Variants in LY86 observed in about 807,000 individuals in gnomAD.
The protein encoded by LY86 is MD-1, RP105-associated.
A neutral mutation model predicts 17.3 loss-of-function variants in LY86; 20 were observed. The ratio of observed to expected loss-of-function variants is 1.15; its 90% CI spans 0.81 to 1.68. The LOEUF (loss-of-function observed/expected upper bound fraction) is 1.68, where lower values mean the gene tolerates loss of function less well. Among genes scored for constraint, LY86 ranks in the 40% most tolerant of loss-of-function variants. The pLI is 0.00. For synonymous variants in LY86, 74 were observed against 70.6 expected (o/e 1.05, Z -0.24); for missense variants, 200 against 191.9 (o/e 1.04, Z -0.25).
intron 4 of LY86, among the ~76,000 whole-genome samples, chr6:6,653,307 G>A (rs1762214635): frequency 6.6e-6 from 1 of 152,034 alleles, no homozygotes; most frequent in Admixed American, 6.5e-5. Flanking sequence ...CTTCCCTCTT[G>A]CTTTATACAG....
intron 1 of LY86, among the ~76,000 whole-genome samples, chr6:6,624,410 T>TGGGATGGGAGGGGA (rs1480930527): frequency 2.5e-5 from 1 of 40,208 alleles, no homozygotes; most frequent in Admixed American, 2.0e-4. Flanking sequence ...ATGGGATGGG[T>TGGGATGGGAGGGGA]TGGGATGGGA....
chr6:6,607,224 G>C (rs1761193673), intron 1 of LY86, among the ~76,000 whole-genome samples: 1 of 152,216 alleles, frequency 6.6e-6, no homozygotes, highest in Non-Finnish European at 1.5e-5. Flanking sequence ...AGACGAAAAA[G>C]TTCTAGAAAT....
chr6:6,607,913 T>A (rs946509175), intron 1 of LY86, among the ~76,000 whole-genome samples: 2 of 149,782 alleles, frequency 1.3e-5, no homozygotes, highest in Non-Finnish European at 2.9e-5. Flanking sequence ...AAAATAAAAA[T>A]AAAAAAATAA....
chr6:6,620,102 A>C (rs1761639956), intron 1 of LY86, among the ~76,000 whole-genome samples: 1 of 152,116 alleles, frequency 6.6e-6, no homozygotes, highest in Non-Finnish European at 1.5e-5. Context: ...TTTTAAACCC[A>C]AGCAATAGAA....
chr6:6,632,386 T>C (rs115498995), intron 3 of LY86, among the ~76,000 whole-genome samples: 2,530 of 152,302 alleles, frequency 0.017, 56 homozygotes, highest in African/African-American at 0.058. Context: ...TAATTCATTA[T>C]TGGGTAAGAG....
Position 6,600,501 on chromosome 6 carries a change from A to T in LY86, c.136+11631A>T, listed in dbSNP as rs1306619016. 2.0e-5 allele frequency among the ~76,000 whole-genome samples: 3 copies of T among 147,442 alleles called. No homozygotes were observed. In the East Asian group the frequency reaches 6.2e-4, roughly 31 times the overall value. ...AGCTACTCAGAGGCTGAGGCAGGGG[A>T]ATCGCTTGAACCCGGGAGGCAGAGG... is the stretch of plus-strand genomic sequence containing the variant. On this transcript the variant is annotated intron_variant, in intron 1 of 4. Transcript: ENST00000230568.
At chr6:6,601,834 G>A (rs2113091041) in intron 1 of LY86, among the ~76,000 whole-genome samples, 1 of 152,344 alleles carries the variant, frequency 6.6e-6, no homozygotes, top group East Asian at 1.9e-4. Flanking sequence ...ATGTGGGAAT[G>A]CAGTACCTGG....
At chr6:6,647,171 T>G (rs554290652) in intron 3 of LY86, among the ~76,000 whole-genome samples, 81 of 152,322 alleles carry the variant, frequency 5.3e-4, no homozygotes, top group African/African-American at 1.8e-3. Context: ...CTGTTTTCTC[T>G]CCTACAATTG....
rs114953191 is a variant in LY86, at chr6:6,611,678, G to A, written c.137-13248G>A. ...TTCTCTCACCGCACCTTGTGGCTAC[G>A]CTGCGCGCCGGTCGTGTTTGTCCCC... On this transcript the variant is annotated intron_variant, in intron 1 of 4. Coordinates refer to ENST00000230568, the MANE Select transcript of LY86 (RefSeq NM_004271.4). 5.2e-3 allele frequency among the ~76,000 whole-genome samples: 789 copies of A among 152,284 alleles called. 13 individuals are homozygous for A. Among genetic ancestry groups the A allele is most frequent in the African/African-American group, 0.018 (762 of 41,560 alleles).
intron 4 of LY86, among the ~76,000 whole-genome samples, chr6:6,652,317 A>C (rs1762200209): frequency 6.6e-6 from 1 of 152,098 alleles, no homozygotes. Flanking sequence ...TTGCTTTCTT[A>C]ATATGGAACA....
chr6:6,605,175 A>G (rs760524833), intron 1 of LY86, among the ~76,000 whole-genome samples: 8 of 152,200 alleles, frequency 5.3e-5, no homozygotes, highest in African/African-American at 1.7e-4. Context: ...TGTAATGATG[A>G]TAATGATGAA....
chr6:6,624,454 A>G (rs1043998393), intron 1 of LY86, among the ~76,000 whole-genome samples: 7 of 128,372 alleles, frequency 5.5e-5, no homozygotes, highest in African/African-American at 1.6e-4. Flanking sequence ...GCAGGTCTTA[A>G]CTTTGAAAAT....
chr6:6,654,882 C>T lies in LY86; in HGVS notation c.*255C>T. ...TCCTTAAGCAGTCTTGAGGGTCCAT[C>T]CTTTTTCTCTAATTGGTCGCCTCCC... On this transcript the variant is annotated 3_prime_UTR_variant, in exon 5 of 5. Transcript: ENST00000230568. 2.3e-6 allele frequency: 1 copy of T among 436,302 alleles called. No homozygotes were observed. Among genetic ancestry groups the T allele is most frequent in the Non-Finnish European group, 4.1e-6 (1 of 246,676 alleles). The allele number at this position is 436,302 out of a possible 1,614,324, so 27.0% of individuals were successfully genotyped here. A position where few individuals can be genotyped will look rare whatever the true frequency, so the allele number is the denominator to read the frequency against.
intron 1 of LY86, among the ~76,000 whole-genome samples, chr6:6,591,919 G>C (rs1324356836): frequency 6.6e-6 from 1 of 152,166 alleles, no homozygotes; most frequent in Non-Finnish European, 1.5e-5. Context: ...AACTGCGGGA[G>C]GGCTGAAAAC....
intron 4 of LY86, among the ~76,000 whole-genome samples, chr6:6,653,087 TC>T (rs1256886659): frequency 6.6e-6 from 1 of 152,212 alleles, no homozygotes; most frequent in Admixed American, 6.5e-5. Context: ...TTACAGCTGC[TC>T]AATATTTGAG....
intron 1 of LY86, among the ~76,000 whole-genome samples, chr6:6,592,891 A>C (rs1760576786): frequency 6.6e-6 from 1 of 152,220 alleles, no homozygotes; most frequent in South Asian, 2.1e-4. Flanking sequence ...GAGTTGGCTA[A>C]GGGGAAATCA....
intron 3 of LY86, among the ~76,000 whole-genome samples, chr6:6,633,080 A>G (rs1008543454): frequency 1.1e-4 from 16 of 152,232 alleles, no homozygotes; most frequent in Admixed American, 9.8e-4. Context: ...CAGGAAGATG[A>G]AAGTGAAATA....
chr6:6,624,025 A>G (rs1761733770), intron 1 of LY86, among the ~76,000 whole-genome samples: 1 of 152,238 alleles, frequency 6.6e-6, no homozygotes, highest in Admixed American at 6.5e-5. Context: ...GGAAGCCTTC[A>G]CAAAGAAGAT....
intron 1 of LY86, among the ~76,000 whole-genome samples, chr6:6,605,412 G>T (rs1761081325): frequency 6.6e-6 from 1 of 152,194 alleles, no homozygotes; most frequent in Non-Finnish European, 1.5e-5. Flanking sequence ...ACATCGCAAT[G>T]AACAGACCTC....
Sources: gnomAD v4.1 joint callset for allele counts (sites outside exome capture counted in the v4.1 genomes callset) on GRCh38, gnomAD v4.1.1 for gene constraint, MANE v1.5 for transcripts, NCBI Gene and HGNC (gene_info 2026-07-23, HGNC 2026-07-21) for gene names.